MPPED2: variants seen among roughly 807,000 people sequenced by gnomAD.
MPPED2 encodes metallophosphoesterase domain containing 2.
In MPPED2, 5 loss-of-function variants were observed where a neutral mutation model predicts 33.0. That is an observed-to-expected ratio of 0.15 (90% CI 0.08 to 0.32). MPPED2 has a LOEUF of 0.32. Ranked by LOEUF, MPPED2 falls within the 10% of genes least tolerant of loss-of-function variation. MPPED2 has a pLI of 1.00. For missense variants in MPPED2, 275 were observed against 372.1 expected (o/e 0.74, Z 2.15); for synonymous variants, 136 against 141.9 (o/e 0.96, Z 0.29).
At chr11:30,554,200 A>G (rs1022975679) in intron 2 of MPPED2, among the ~76,000 whole-genome samples, 2 of 152,280 alleles carry the variant, frequency 1.3e-5, no homozygotes, top group Non-Finnish European at 2.9e-5. Context: ...GTCCAAGGCC[A>G]GGCTCCTAAA....
At chr11:30,523,393 C>G (rs916436941) in intron 3 of MPPED2, among the ~76,000 whole-genome samples, 33 of 152,240 alleles carry the variant, frequency 2.2e-4, no homozygotes, top group Admixed American at 2.1e-3. Context: ...ATAAGGATGA[C>G]TATCCTTATC....
chr11:30,480,001 T>C (rs1951407692), intron 4 of MPPED2, among the ~76,000 whole-genome samples: 1 of 152,118 alleles, frequency 6.6e-6, no homozygotes. Flanking sequence ...TGATAAGATA[T>C]GCACCAAAGG....
intron 2 of MPPED2, among the ~76,000 whole-genome samples, chr11:30,544,768 G>A (rs999510861): frequency 1.3e-5 from 2 of 152,208 alleles, no homozygotes; most frequent in African/African-American, 4.8e-5. Flanking sequence ...CACTGCCTAT[G>A]GGCTAGGAAG....
intron 2 of MPPED2, among the ~76,000 whole-genome samples, chr11:30,557,524 C>T (rs1474741887): frequency 1.3e-5 from 2 of 152,014 alleles, no homozygotes. Flanking sequence ...TACAAATATT[C>T]TTTCTAGTTA....
chr11:30,512,677 G>C (rs1469458013), intron 3 of MPPED2, among the ~76,000 whole-genome samples: 1 of 152,102 alleles, frequency 6.6e-6, no homozygotes, highest in Non-Finnish European at 1.5e-5. Flanking sequence ...TCCCAAACCC[G>C]TTTGATCTTC....
At chr11:30,413,461 T>C (rs1236894991) in intron 6 of MPPED2, among the ~76,000 whole-genome samples, 4 of 152,126 alleles carry the variant, frequency 2.6e-5, no homozygotes, top group African/African-American at 7.2e-5. Flanking sequence ...CAGTTACCCA[T>C]GATTTGAAAA....
At chr11:30,517,190 C>T (rs1488826993) in intron 3 of MPPED2, among the ~76,000 whole-genome samples, 2 of 152,150 alleles carry the variant, frequency 1.3e-5, no homozygotes, top group African/African-American at 2.4e-5. Flanking sequence ...TGCTATCCCC[C>T]CATACTCCCC....
At chr11:30,497,393 T>C (rs1181965158) in intron 3 of MPPED2, among the ~76,000 whole-genome samples, 3 of 152,160 alleles carry the variant, frequency 2.0e-5, no homozygotes, top group African/African-American at 7.2e-5. Flanking sequence ...TCACCTGTGC[T>C]CCCAAAGCCG....
At chr11:30,538,819 T>C (rs1471064573) in intron 2 of MPPED2, among the ~76,000 whole-genome samples, 1 of 151,946 alleles carries the variant, frequency 6.6e-6, no homozygotes, top group Non-Finnish European at 1.5e-5. Flanking sequence ...AGGCAGGGGA[T>C]GGGGGAAGTG....
intron 4 of MPPED2, among the ~76,000 whole-genome samples, chr11:30,459,123 C>T (rs1950416688): frequency 2.0e-5 from 3 of 151,424 alleles, no homozygotes; most frequent in Admixed American, 6.6e-5. Context: ...GACGGGGTTT[C>T]ACCGTTTTTT....
chr11:30,572,766 G>A (rs1175773438), intron 2 of MPPED2, among the ~76,000 whole-genome samples: 5 of 152,118 alleles, frequency 3.3e-5, no homozygotes, highest in Non-Finnish European at 7.4e-5. Context: ...GTGAGCGTTA[G>A]GGGTCATTTC....
At chr11:30,586,354 G>C (rs545854780), upstream of MPPED2, 1 of 152,864 alleles carries the variant, frequency 6.5e-6, no homozygotes, top group Non-Finnish European at 1.5e-5. The surrounding 1 kb of genome is among the most constrained non-coding windows in gnomAD (Gnocchi z 4.8). Flanking sequence ...GCGGTGCAGT[G>C]ACAGGGACTG....
In MPPED2 at chr11:30,492,235, T is replaced by C. The variant is rs144204778; in HGVS notation, c.536+3061A>G. Among the ~76,000 whole-genome samples the C allele has an allele frequency of 1.2e-3, 183 of 152,312 alleles. 1 individual carries two copies. Among genetic ancestry groups the C allele is most frequent in the African/African-American group, 4.1e-3 (172 of 41,570 alleles). ...TTCGATTGCTTGAGATGCTGCAAGA[T>C]CTGCCTGAGGACCAAAATCATTCCC... On this transcript the variant is annotated intron_variant, in intron 4 of 6. Coordinates refer to ENST00000358117, the MANE Select transcript of MPPED2 (RefSeq NM_001584.3).
intron 3 of MPPED2, among the ~76,000 whole-genome samples, chr11:30,522,554 ATAAT>A (rs1449509009): frequency 1.3e-5 from 2 of 152,238 alleles, no homozygotes; most frequent in South Asian, 2.1e-4. Flanking sequence ...TAATTAAAAA[ATAAT>A]TAATCAATGG....
In MPPED2 at chr11:30,512,508, C is replaced by T. The variant is rs1023020101; in HGVS notation, c.311-16987G>A. 4.6e-5 allele frequency among the ~76,000 whole-genome samples: 7 copies of T among 151,926 alleles called. No homozygotes were observed. The Middle Eastern group carries it at 9.5e-3, about 206-fold the overall frequency. ...AACAAAAAAACTGAAATTAGGTCTG[C>T]TCTTGTTGTGGGGGGAAGGAGGGAG... is the stretch of plus-strand genomic sequence containing the variant. On this transcript the variant is annotated intron_variant, in intron 3 of 6. Coordinates refer to ENST00000358117, the MANE Select transcript of MPPED2 (RefSeq NM_001584.3).
chr11:30,483,125 T>G (rs1285732050), intron 4 of MPPED2, among the ~76,000 whole-genome samples: 1 of 152,168 alleles, frequency 6.6e-6, no homozygotes, highest in African/African-American at 2.4e-5. Context: ...TAAGAATTAT[T>G]TAAAAGCGTA....
chr11:30,451,100 C>T (rs1390713645), intron 4 of MPPED2, among the ~76,000 whole-genome samples: 3 of 152,194 alleles, frequency 2.0e-5, no homozygotes, highest in Non-Finnish European at 4.4e-5. Flanking sequence ...CCCTAACTAG[C>T]TGTAGGGGTC....
At chr11:30,456,143 T>C (rs192324669) in intron 4 of MPPED2, among the ~76,000 whole-genome samples, 124 of 152,356 alleles carry the variant, frequency 8.1e-4, no homozygotes, top group Non-Finnish European at 1.5e-3. Context: ...GCCATTCCTT[T>C]AGTTTTGCTG....
chr11:30,400,106 GA>G (rs1947889877), intron 6 of MPPED2, among the ~76,000 whole-genome samples: 1 of 152,110 alleles, frequency 6.6e-6, no homozygotes, highest in Non-Finnish European at 1.5e-5. Context: ...TTAGAGATAG[GA>G]TCTTGCTCTG....
Sources: gnomAD v4.1 joint callset for allele counts (sites outside exome capture counted in the v4.1 genomes callset) on GRCh38, gnomAD v4.1.1 for gene constraint, Gnocchi (gnomAD v3.1) non-coding constraint, MANE v1.5 for transcripts, NCBI Gene and HGNC (gene_info 2026-07-23, HGNC 2026-07-21) for gene names.